BNIP2: variants seen among roughly 807,000 people sequenced by gnomAD.
The protein encoded by BNIP2 is BCL2/adenovirus E1B 19 kDa protein-interacting protein 2.
BNIP2 carries 36 observed loss-of-function variants against 43.4 expected under a neutral mutation model. That is an observed-to-expected ratio of 0.83 (90% CI 0.64 to 1.10). The LOEUF (loss-of-function observed/expected upper bound fraction) is 1.10, where lower values mean the gene tolerates loss of function less well. Ranked by LOEUF, BNIP2 falls within the 50% of genes least tolerant of loss-of-function variation. BNIP2 has a pLI of 0.00. For missense variants in BNIP2, 417 were observed against 374.1 expected (o/e 1.11, Z -0.95); for synonymous variants, 146 against 121.0 (o/e 1.21, Z -1.35).
rs780652219 is a variant in BNIP2, at chr15:59,662,089, T to C, written c.*1980A>G. 6.6e-6 allele frequency: 1 copy of C among 152,098 alleles called. No homozygotes were observed. The highest frequency in any genetic ancestry group is 1.5e-5 in the Non-Finnish European group (1 of 68,000). The allele number at this position is 152,098 out of a possible 1,614,324, so 9.4% of individuals were successfully genotyped here. ...GGAGCAATGACTGCAAAATCAAAAA[T>C]CAAAATAATGCAAAAAAGAGTTGAA... On this transcript the variant is annotated 3_prime_UTR_variant, in exon 10 of 10. Coordinates refer to ENST00000607373, the MANE Select transcript of BNIP2 (RefSeq NM_004330.4).
intron 9 of BNIP2, among the ~76,000 whole-genome samples, chr15:59,666,113 C>T (rs1177654917): frequency 1.3e-5 from 2 of 152,184 alleles, no homozygotes; most frequent in Non-Finnish European, 2.9e-5. Flanking sequence ...ACACTTGCAT[C>T]CAGTTGTTTG....
At position 59,671,204 on chromosome 15, in the gene BNIP2, C is replaced by A. The variant is rs757640199; in HGVS notation, c.686G>T (p.Cys229Phe). The change falls in exon 7 of 10, where the codon TGT becomes TTT. Residue 229 changes from cysteine (C) to phenylalanine (F), a missense_variant. Coordinates refer to ENST00000607373, the MANE Select transcript of BNIP2 (RefSeq NM_004330.4). ...KMPSLGWLRKCYQQIDRRLRK... is the reference protein window; with the variant it reads ...KMPSLGWLRKFYQQIDRRLRK... ...TTACCTTCTATCAATTTGCTGATAA[C>A]ATTTCCTGAGCCATCCCAGACTGGG... 2.9e-5 allele frequency: 47 copies of A among 1,598,920 alleles called. No individual in the cohort carries two copies. Among genetic ancestry groups the A allele is most frequent in the Non-Finnish European group, 3.9e-5 (46 of 1,171,748 alleles).
intron 9 of BNIP2, among the ~76,000 whole-genome samples, chr15:59,666,527 C>T (rs1279381926): frequency 6.6e-6 from 1 of 152,044 alleles, no homozygotes; most frequent in Admixed American, 6.6e-5. Flanking sequence ...ATTAGCCAGG[C>T]ATGGTGGTGG....
At chr15:59,672,587 C>A (rs1456040096) in intron 6 of BNIP2, 50 bp downstream of exon 6, 3 of 1,365,478 alleles carry the variant, frequency 2.2e-6, no homozygotes, top group South Asian at 1.2e-5. Flanking sequence ...AGGTGTAGAT[C>A]TAATTAGCTC....
At position 59,665,222 on chromosome 15, in the gene BNIP2, C is replaced by A. The variant is rs1468476472; in HGVS notation, c.894-1102G>T. ...GAGCTTGCAGTGAGCTGAGACCATGCCATTGCACTCCAGACTGGGTGACAG... is the reference window on the plus strand; with the variant it reads ...GAGCTTGCAGTGAGCTGAGACCATGACATTGCACTCCAGACTGGGTGACAG... On this transcript the variant is annotated intron_variant, in intron 9 of 9. Coordinates refer to ENST00000607373, the MANE Select transcript of BNIP2 (RefSeq NM_004330.4). 3 of 151,942 alleles carry A rather than the reference C, an allele frequency of 2.0e-5. No homozygotes were observed. In the East Asian group the frequency reaches 5.8e-4, roughly 29 times the overall value. 9.4% of individuals were successfully genotyped at this position (151,942 alleles called of 1,614,324 possible). A position where few individuals can be genotyped will look rare whatever the true frequency, so the allele number is the denominator to read the frequency against.
chr15:59,678,367 GA>G (rs1356379982), intron 4 of BNIP2: 1 of 1,138,948 alleles, frequency 8.8e-7, no homozygotes, highest in Non-Finnish European at 1.1e-6. Flanking sequence ...ATAATTTGTA[GA>G]GTCATCAAAA....
rs531892237 is a variant in BNIP2 at position 59,661,689 on chromosome 15, A to G, written c.*2380T>C. ...CCAGTTAAATTAGATCCATGATCCC[A>G]ACAGAAAGATAAAAGTACAATCACA... On this transcript the variant is annotated 3_prime_UTR_variant, in exon 10 of 10. Transcript: ENST00000607373. 6.6e-6 allele frequency: 1 copy of G among 152,338 alleles called. No individual in the cohort carries two copies. Among genetic ancestry groups the G allele is most frequent in the East Asian group, 1.9e-4 (1 of 5,194 alleles). The allele number at this position is 152,338 out of a possible 1,614,324, so 9.4% of individuals were successfully genotyped here.
rs777658729 is a variant in BNIP2, at chr15:59,679,662, A to G, written c.225T>C (p.Asp75=). 5 of 1,613,050 alleles carry G rather than the reference A, an allele frequency of 3.1e-6. No homozygotes were observed. The Admixed American group carries it at 6.7e-5, about 22-fold the overall frequency. The change falls in exon 4 of 10, where the codon GAT becomes GAC. Residue 75 remains aspartate (D), a synonymous_variant. Coordinates refer to ENST00000607373, the MANE Select transcript of BNIP2 (RefSeq NM_004330.4). ...CATCTAAGTCAATCTCCCCACTTTC[A>G]TCCAAATCATCTGACAATACAGAGC... ...SDGSVLSDDL[D]ESGEIDLDGL...
chr15:59,689,296 C>G lies in BNIP2; in HGVS notation c.-219G>C. ...CCCGGCCGCAGCGGTACGGCGTCGG[C>G]GGCAGCAGCTGACCCGGACACAGTG... On this transcript the variant is annotated 5_prime_UTR_variant, in exon 1 of 10. Transcript: ENST00000607373. The G allele has an allele frequency of 6.5e-7, 1 of 1,546,250 alleles. No individual in the cohort carries two copies.
intron 2 of BNIP2, among the ~76,000 whole-genome samples, chr15:59,681,822 A>G (rs929275552): frequency 2.6e-5 from 4 of 152,188 alleles, no homozygotes; most frequent in Non-Finnish European, 5.9e-5. Context: ...TGTTTAAATG[A>G]AAACAAAAAC....
chr15:59,687,474 C>T (rs1326286886), intron 1 of BNIP2, among the ~76,000 whole-genome samples: 1 of 151,856 alleles, frequency 6.6e-6, no homozygotes, highest in African/African-American at 2.4e-5. Flanking sequence ...GCCTCAGTCT[C>T]CCGAGTAGCT....
At chr15:59,674,090 C>CAAAAAA (rs754263928) in intron 5 of BNIP2, among the ~76,000 whole-genome samples, 15 of 91,422 alleles carry the variant, frequency 1.6e-4, no homozygotes, top group East Asian at 6.3e-4. Context: ...ACTTGGGTCT[C>CAAAAAA]AAAAAAAAAA....
intron 1 of BNIP2, among the ~76,000 whole-genome samples, chr15:59,682,989 C>A (rs1893788381): frequency 6.6e-6 from 1 of 152,144 alleles, no homozygotes; most frequent in African/African-American, 2.4e-5. Context: ...TTTCATATTT[C>A]CTTCTCAATA....
chr15:59,678,210 ATC>A, intron 4 of BNIP2, 123 bp from the exon 5 acceptor site: 2 of 1,394,168 alleles, frequency 1.4e-6, no homozygotes, highest in Admixed American at 3.2e-5. Context: ...ACAATTTTCA[ATC>A]TCTCTTCCAT....
intron 3 of BNIP2, 114 bp downstream of exon 3, chr15:59,680,127 G>T: frequency 1.2e-6 from 1 of 851,354 alleles, no homozygotes; most frequent in Non-Finnish European, 1.7e-6. Flanking sequence ...CTTATACTTT[G>T]ACTTCTATGA....
intron 1 of BNIP2, among the ~76,000 whole-genome samples, chr15:59,687,376 G>A (rs62012471): frequency 0.08 from 11,525 of 144,892 alleles, 626 homozygotes; most frequent in Middle Eastern, 0.16. Context: ...TTTTGAGACG[G>A]AGTCTCACTC....
intron 9 of BNIP2, chr15:59,668,070 T>C (rs895386469): frequency 7.8e-7 from 1 of 1,280,724 alleles, no homozygotes; most frequent in Non-Finnish European, 1.0e-6. Flanking sequence ...AATGGACTAG[T>C]CTAGATGCAA....
rs1892372135 is a variant in BNIP2, at chr15:59,663,276, A to G, written c.*793T>C. 6.6e-6 allele frequency: 1 copy of G among 152,374 alleles called. No homozygotes were observed. The highest frequency in any genetic ancestry group is 2.1e-4 in the South Asian group (1 of 4,834). The allele number at this position is 152,374 out of a possible 1,614,324, so 9.4% of individuals were successfully genotyped here. A position where few individuals can be genotyped will look rare whatever the true frequency, so the allele number is the denominator to read the frequency against. The stretch of plus-strand genomic sequence containing the variant: ...GTGAACAAACTCAAGATTTTTATAA[A>G]GTTCTGACTTTGGGCCAGAAGATAA... On this transcript the variant is annotated 3_prime_UTR_variant, in exon 10 of 10. Transcript: ENST00000607373.
At chr15:59,673,188 G>A (rs1395245376) in intron 5 of BNIP2, among the ~76,000 whole-genome samples, 3 of 149,388 alleles carry the variant, frequency 2.0e-5, no homozygotes, top group Non-Finnish European at 4.4e-5. Context: ...GCACAATCTC[G>A]GCTCACTGCA....
Sources: gnomAD v4.1 joint callset for allele counts (sites outside exome capture counted in the v4.1 genomes callset) on GRCh38, gnomAD v4.1.1 for gene constraint, MANE v1.5 for transcripts, NCBI Gene and HGNC (gene_info 2026-07-23, HGNC 2026-07-21) for gene names.